FNBP1: variants seen among roughly 807,000 people sequenced by gnomAD.
The protein encoded by FNBP1 is formin-binding protein 1.
In FNBP1, 26 loss-of-function variants were observed where a neutral mutation model predicts 90.6. The observed-to-expected ratio is 0.29, with a 90% CI of 0.21 to 0.40. The LOEUF (loss-of-function observed/expected upper bound fraction) is 0.40. Among genes scored for constraint, FNBP1 ranks in the 10% least tolerant of loss-of-function variants. The pLI, the probability that FNBP1 is intolerant of heterozygous loss-of-function variation, is 1.00. For synonymous variants in FNBP1, 260 were observed against 265.2 expected (o/e 0.98, Z 0.19); for missense variants, 635 against 768.0 (o/e 0.83, Z 2.05).
At chr9:129,894,665 G>A (rs1350326843) in intron 16 of FNBP1, among the ~76,000 whole-genome samples, 6 of 152,166 alleles carry the variant, frequency 3.9e-5, no homozygotes, top group East Asian at 1.9e-4. Context: ...AACAGAAACC[G>A]AACCAAGTGT....
chr9:129,935,227 G>A (rs868016213), intron 6 of FNBP1, among the ~76,000 whole-genome samples: 116 of 150,262 alleles, frequency 7.7e-4, no homozygotes, highest in African/African-American at 2.7e-3. Flanking sequence ...GGGCTCAGGC[G>A]ACCCTGCCAC....
chr9:129,936,438 A>C (rs2043472401), intron 6 of FNBP1: 1 of 152,304 alleles, frequency 6.6e-6, no homozygotes, highest in African/African-American at 2.4e-5. Flanking sequence ...GGCTGGGGAC[A>C]CAGCAAGAAT....
the FNBP1 span, chr9:130,053,829 C>T: frequency 1.8e-6 from 2 of 1,118,912 alleles, no homozygotes; most frequent in East Asian, 2.6e-5. Flanking sequence ...ACAGGGTCAG[C>T]GGAGCTAGCC....
chr9:129,956,127 A>G (rs2132746161), intron 6 of FNBP1, among the ~76,000 whole-genome samples: 1 of 152,242 alleles, frequency 6.6e-6, no homozygotes, highest in Middle Eastern at 3.4e-3. Context: ...TCAGTCTCCT[A>G]AGTAGCTGAG....
chr9:130,044,420 T>A (rs1053311935), upstream of FNBP1, among the ~76,000 whole-genome samples: 3 of 151,414 alleles, frequency 2.0e-5, no homozygotes, highest in African/African-American at 7.3e-5. Context: ...GGCCAGGAAT[T>A]TGAGACCAGC....
chr9:129,900,090 C>A lies in FNBP1; in HGVS notation c.1562G>T (p.Ser521Ile). The change falls in exon 15 of 17, where the codon AGT (serine) becomes ATT (isoleucine). Residue 521 changes from serine to isoleucine, a missense_variant. Coordinates refer to ENST00000446176, the MANE Select transcript of FNBP1 (RefSeq NM_015033.3). The surrounding 1 kb of genome is among the most constrained non-coding windows in gnomAD (Gnocchi z 4.1). The stretch of plus-strand genomic sequence containing the variant: ...CTCCTGACTCTGCTCCTCTGTGTAA[C>A]TGCCATCTGGGCTGCTCAAGAAAGG... ...CAQDRESPDG[S>I]YTEEQSQESE... 6.2e-7 allele frequency: 1 copy of A among 1,610,818 alleles called. No individual in the cohort carries two copies. Among genetic ancestry groups the A allele is most frequent in the Non-Finnish European group, 8.5e-7 (1 of 1,178,568 alleles).
intron 1 of FNBP1, among the ~76,000 whole-genome samples, chr9:130,002,922 C>G (rs905012048): frequency 6.6e-6 from 1 of 152,152 alleles, no homozygotes; most frequent in African/African-American, 2.4e-5. Flanking sequence ...TTCAAACCAA[C>G]CAAAGGTGTG....
In FNBP1 at chr9:129,966,102, G is replaced by A. The variant is rs1290034840; in HGVS notation, c.346-7549C>T. Among the ~76,000 whole-genome samples the A allele has an allele frequency of 1.3e-5, 2 of 152,204 alleles. No homozygotes were observed. Among genetic ancestry groups the A allele is most frequent in the Non-Finnish European group, 2.9e-5 (2 of 68,036 alleles). On this transcript the variant is annotated intron_variant, in intron 4 of 16. Coordinates refer to ENST00000446176, the MANE Select transcript of FNBP1 (RefSeq NM_015033.3). The surrounding 1 kb of genome is among the most constrained non-coding windows in gnomAD (Gnocchi z 4.3). The stretch of plus-strand genomic sequence containing the variant: ...AAGTCCCCTGTCCCAGTGAAACTGA[G>A]TGGATCCAGAAGTAAGACAAACAGG...
In FNBP1 at chr9:129,889,837, A is replaced by T. The variant is rs945818548; in HGVS notation, c.*702T>A. ...CAGTGTGGACCTCCCCAGGCCACTG[A>T]AAACAGGGCGTCAAACCAAAATGTG... On this transcript the variant is annotated 3_prime_UTR_variant, in exon 17 of 17. Coordinates refer to ENST00000446176, the MANE Select transcript of FNBP1 (RefSeq NM_015033.3). 2 of 233,028 alleles carry T rather than the reference A, an allele frequency of 8.6e-6. No individual in the cohort carries two copies. The highest frequency in any genetic ancestry group is 4.4e-5 in the African/African-American group (2 of 45,204). 14.4% of individuals were successfully genotyped at this position (233,028 alleles called of 1,614,324 possible).
At chr9:129,988,041 C>A (rs2052563312) in intron 2 of FNBP1, among the ~76,000 whole-genome samples, 1 of 151,964 alleles carries the variant, frequency 6.6e-6, no homozygotes, top group African/African-American at 2.4e-5. Context: ...AGATGTTCAA[C>A]CCCCATGCAT....
At chr9:130,051,456 T>A in the FNBP1 span, among the ~76,000 whole-genome samples, 1 of 152,210 alleles carries the variant, frequency 6.6e-6, no homozygotes, top group Non-Finnish European at 1.5e-5. Context: ...AATAATTATT[T>A]AATAATAATA....
chr9:130,028,315 A>G (rs991321790), intron 1 of FNBP1, among the ~76,000 whole-genome samples: 7 of 152,234 alleles, frequency 4.6e-5, no homozygotes, highest in Non-Finnish European at 8.8e-5. Flanking sequence ...TACAACAGAA[A>G]TCTCAGTCAA....
At chr9:129,938,164 A>G (rs2043769470) in intron 6 of FNBP1, among the ~76,000 whole-genome samples, 1 of 152,140 alleles carries the variant, frequency 6.6e-6, no homozygotes, top group South Asian at 2.1e-4. Flanking sequence ...CTCTGTCTCA[A>G]AAAAATAAAT....
intron 4 of FNBP1, 45 bp downstream of exon 4, chr9:129,978,420 G>A (rs770396527): frequency 1.3e-6 from 2 of 1,528,342 alleles, no homozygotes; most frequent in East Asian, 2.3e-5. Flanking sequence ...TTCCCACTGT[G>A]TTTGGTCCAT....
chr9:129,960,780 T>G (rs1044732606), intron 4 of FNBP1, among the ~76,000 whole-genome samples: 2 of 151,974 alleles, frequency 1.3e-5, no homozygotes, highest in East Asian at 3.9e-4. Flanking sequence ...GGACAGGTTG[T>G]AGGTAGCGAG....
chr9:130,040,317 C>T (rs1214831766), intron 1 of FNBP1, among the ~76,000 whole-genome samples: 1 of 152,182 alleles, frequency 6.6e-6, no homozygotes, highest in Non-Finnish European at 1.5e-5. Context: ...TGCTGGTACT[C>T]ATAAGAATGT....
At chr9:130,017,973 G>A (rs1371651971) in intron 1 of FNBP1, among the ~76,000 whole-genome samples, 1 of 141,352 alleles carries the variant, frequency 7.1e-6, no homozygotes. Context: ...GAGTGCAGCG[G>A]TGCAATCTCG....
intron 2 of FNBP1, among the ~76,000 whole-genome samples, chr9:129,986,497 G>T (rs2052267003): frequency 6.6e-6 from 1 of 152,016 alleles, no homozygotes; most frequent in African/African-American, 2.4e-5. Context: ...GAAAAAAAAA[G>T]GATCTAAAGA....
chr9:130,050,174 C>G, the FNBP1 span, among the ~76,000 whole-genome samples: 1 of 152,212 alleles, frequency 6.6e-6, no homozygotes, highest in South Asian at 2.1e-4. Flanking sequence ...GAACTACTTA[C>G]TAGGGACTCA....
Sources: gnomAD v4.1 joint callset for allele counts (sites outside exome capture counted in the v4.1 genomes callset) on GRCh38, gnomAD v4.1.1 for gene constraint, Gnocchi (gnomAD v3.1) non-coding constraint, MANE v1.5 for transcripts, NCBI Gene and HGNC (gene_info 2026-07-23, HGNC 2026-07-21) for gene names.